The following SPTBN5 variants were observed in gnomAD, a reference collection of about 807,000 sequenced individuals.
The protein encoded by SPTBN5 is spectrin beta, non-erythrocytic 5, also known as spectrin beta chain, non-erythrocytic 5.
In SPTBN5, 513 loss-of-function variants were observed where a neutral mutation model predicts 477.6. The ratio of observed to expected loss-of-function variants is 1.07; its 90% CI spans 1.00 to 1.16. The LOEUF (loss-of-function observed/expected upper bound fraction) is 1.16. SPTBN5 is among the 50% of genes most tolerant of loss of function. The pLI, the probability that SPTBN5 is intolerant of heterozygous loss-of-function variation, is 0.00. For synonymous variants in SPTBN5, 2,169 were observed against 2,011.7 expected (o/e 1.08, Z -2.09); for missense variants, 5,062 against 4,731.8 (o/e 1.07, Z -2.05).
At chr15:41,872,521 T>C in intron 26 of SPTBN5, 62 bp from the exon 27 acceptor site, 1 of 1,493,510 alleles carries the variant, frequency 6.7e-7, no homozygotes, top group Non-Finnish European at 9.0e-7. Context: ...CACCTGTCCG[T>C]CCCCCACCCA....
chr15:41,882,196 G>A, intron 11 of SPTBN5, 51 bp from the exon 12 acceptor site: 1 of 1,483,056 alleles, frequency 6.7e-7, no homozygotes, highest in Non-Finnish European at 8.9e-7. Flanking sequence ...GGCTGAGCGC[G>A]GGCAGGTGCT....
intron 39 of SPTBN5, among the ~76,000 whole-genome samples, chr15:41,864,872 T>C (rs2066243657): frequency 6.6e-6 from 1 of 152,242 alleles, no homozygotes; most frequent in South Asian, 2.1e-4. Flanking sequence ...CACTTTCCTA[T>C]GAAGTGCCTC....
In SPTBN5 at chr15:41,862,618, C is replaced by T. The variant is rs376902313; in HGVS notation, c.7306G>A (p.Glu2436Lys). The change falls in exon 43 of 68, where the codon GAG becomes AAG. Residue 2436 changes from glutamate to lysine, a missense_variant. Coordinates refer to ENST00000320955, the MANE Select transcript of SPTBN5 (RefSeq NM_016642.4). ...CTGTGCCTGAGGCCGTGGGCTGCCT[C>T]GGGGCTTCTTTGGCAGAGGCGGCCC... ...EVGRLCQRSP[E>K]AAHGLRHRQQ... 22 of 1,557,940 alleles carry T rather than the reference C, an allele frequency of 1.4e-5. No individual in the cohort carries two copies. Among genetic ancestry groups the T allele is most frequent in the South Asian group, 5.9e-5 (5 of 84,866 alleles).
chr15:41,856,282 G>T, intron 53 of SPTBN5, 104 bp downstream of exon 53: 1 of 1,036,086 alleles, frequency 9.7e-7, no homozygotes, highest in Non-Finnish European at 1.4e-6. Context: ...ACTGAGTGGA[G>T]GAGACGAAAG....
Position 41,853,243 on chromosome 15 carries a change from C to T in SPTBN5, c.10170+15G>A, listed in dbSNP as rs781663013. On this transcript the variant is annotated intron_variant, in intron 59 of 67. Coordinates refer to ENST00000320955, the MANE Select transcript of SPTBN5 (RefSeq NM_016642.4). ...ATCCCCAGCCCAACCCCAGGCCCACCCTCTGAGTTCACACCTCCGCAGACA... is the reference window on the plus strand; with the variant it reads ...ATCCCCAGCCCAACCCCAGGCCCACTCTCTGAGTTCACACCTCCGCAGACA... 1.8e-5 allele frequency: 29 copies of T among 1,573,714 alleles called. No individual in the cohort carries two copies. The highest frequency in any genetic ancestry group is 2.4e-5 in the Non-Finnish European group (28 of 1,152,344).
rs2065621161 is a variant in SPTBN5 at position 41,848,271 on chromosome 15, T to C, written c.*345A>G. 1 of 501,762 alleles carries C rather than the reference T, an allele frequency of 2.0e-6. No homozygotes were observed. The highest frequency in any genetic ancestry group is 2.2e-5 in the South Asian group (1 of 45,320). 31.1% of individuals were successfully genotyped at this position (501,762 alleles called of 1,614,324 possible). ...TGTTCTTCCTCCGAAGAGCACATTC[T>C]CTGCACACGTCTGCGTCTACCTGTG... On this transcript the variant is annotated 3_prime_UTR_variant, in exon 68 of 68. Transcript: ENST00000320955.
Position 41,870,580 on chromosome 15 carries a change from G to C in SPTBN5, c.5448-20C>G, listed in dbSNP as rs768522710. The C allele has an allele frequency of 6.9e-6, 11 of 1,592,202 alleles. No individual in the cohort carries two copies. Among genetic ancestry groups the C allele is most frequent in the Non-Finnish European group, 8.5e-6 (10 of 1,171,180 alleles). On this transcript the variant is annotated intron_variant, in intron 29 of 67. Transcript: ENST00000320955. ...GCGGTCCTGCCCACGGCGTGTGGAA[G>C]ACCAGCCGGGGATCAGCTGCCGGGC...
chr15:41,876,888 T>C lies in SPTBN5; in HGVS notation c.3772A>G (p.Ser1258Gly). 1 of 1,610,518 alleles carries C rather than the reference T, an allele frequency of 6.2e-7. No individual in the cohort carries two copies. Among genetic ancestry groups the C allele is most frequent in the East Asian group, 2.2e-5 (1 of 44,882 alleles). The part of the protein sequence containing the change: ...QQHREFGRLL[S>G]TLGPRAEALR... ...GCCTCTGCCCGAGGCCCCAGGGTGC[T>C]CAGGAGCCGCCCAAACTCCCGGTGC... The change falls in exon 19 of 68, where the codon AGC (serine) becomes GGC (glycine). Residue 1258 changes from serine to glycine, a missense_variant. Ser to Gly is a moderately conservative substitution (Grantham distance 56). Transcript: ENST00000320955.
At chr15:41,849,797 TCA>T (rs1330331150) in intron 67 of SPTBN5, 70 bp downstream of exon 67, 4 of 1,233,800 alleles carry the variant, frequency 3.2e-6, no homozygotes, top group Non-Finnish European at 4.6e-6. Context: ...ACCTCAGGCT[TCA>T]GAGGACAGCG....
At chr15:41,870,405 C>G in intron 30 of SPTBN5, 41 bp downstream of exon 30, 1 of 1,609,772 alleles carries the variant, frequency 6.2e-7, no homozygotes, top group South Asian at 1.1e-5. Flanking sequence ...GGGCACTGAG[C>G]CTGGAGTGTA....
intron 4 of SPTBN5, among the ~76,000 whole-genome samples, chr15:41,889,641 A>T (rs923600462): frequency 1.3e-5 from 2 of 152,110 alleles, no homozygotes; most frequent in African/African-American, 4.8e-5. Context: ...GGGACCATGA[A>T]AGAAATGCTG....
Position 41,850,874 on chromosome 15 carries a change from C to G in SPTBN5, c.10901G>C (p.Arg3634Pro), listed in dbSNP as rs779610161. The change falls in exon 66 of 68, where the codon CGA becomes CCA. Residue 3634 changes from arginine (R) to proline (P), a missense_variant. Physicochemically the swap from Arg to Pro is moderately radical, Grantham distance 103. Transcript: ENST00000320955. The part of the protein sequence containing the change: ...PSEEQAESWW[R>P]ALGSTAAQSL... Reference sequence around the variant, plus strand: ...CCCACCTGCAGTGCTGCCCAGGGCTCGCCACCAGCTCTCAGCCTGCTCTTC... The same window carrying G: ...CCCACCTGCAGTGCTGCCCAGGGCTGGCCACCAGCTCTCAGCCTGCTCTTC... 1 of 1,601,146 alleles carries G rather than the reference C, an allele frequency of 6.2e-7. No homozygotes were observed. Among genetic ancestry groups the G allele is most frequent in the African/African-American group, 1.3e-5 (1 of 74,726 alleles).
chr15:41,876,582 C>G lies in SPTBN5; in HGVS notation c.3917G>C (p.Arg1306Thr). Residue 1306 changes from arginine to threonine, a missense_variant, in exon 20 of 68, where the codon AGG becomes ACG. Physicochemically the swap from Arg to Thr is moderately conservative, Grantham distance 71. Transcript: ENST00000320955. ...WTRLQGRSEQ[R>T]RRQLLASLQL... ...GAGGGAAGCCAGCAACTGCCTCCTC[C>G]TCTGCTCACTCCTCCCCTGGAGCCT... The G allele has an allele frequency of 1.2e-6, 2 of 1,607,326 alleles. No homozygotes were observed. The highest frequency in any genetic ancestry group is 1.7e-6 in the Non-Finnish European group (2 of 1,177,398).
Position 41,853,725 on chromosome 15 carries a change from G to T in SPTBN5, c.9837C>A (p.Gly3279=), listed in dbSNP as rs1214103055. ...CCCCCGGAGCTGCAGGATGTAGCTG[G>T]CCCAGTCGGCAGGCCTCCGTCTGTA... ...ARLQTEACRL[G]QLHPAAPGGL... Residue 3279 remains glycine, a synonymous_variant, in exon 58 of 68, where the codon GGC becomes GGA. Transcript: ENST00000320955. 2.5e-6 allele frequency: 4 copies of T among 1,590,828 alleles called. No homozygotes were observed. Among genetic ancestry groups the T allele is most frequent in the Admixed American group, 1.8e-5 (1 of 57,110 alleles).
chr15:41,852,104 AC>A (rs1367942908), intron 62 of SPTBN5, 77 bp downstream of exon 62: 2 of 1,483,968 alleles, frequency 1.3e-6, no homozygotes, highest in Non-Finnish European at 1.8e-6. Context: ...GTGGGCCCTC[AC>A]CCCCACAGCC....
At position 41,881,027 on chromosome 15, in the gene SPTBN5, G is replaced by A; in HGVS notation, c.2658+7C>T. 1.9e-6 allele frequency: 3 copies of A among 1,559,392 alleles called. No homozygotes were observed. Among genetic ancestry groups the A allele is most frequent in the Non-Finnish European group, 2.6e-6 (3 of 1,150,736 alleles). ...GACTCGAGCATTTCTTGAAAAAGAA[G>A]TGTTACCTGTGCCAGGGCCCGCAGA... is the stretch of plus-strand genomic sequence containing the variant. On this transcript the variant is annotated splice_region_variant and intron_variant, in intron 13 of 67. Transcript: ENST00000320955.
rs1595434086 is a variant in SPTBN5, at chr15:41,849,978, A to C, written c.10922-19T>G. The C allele has an allele frequency of 1.9e-6, 3 of 1,566,710 alleles. No homozygotes were observed. The East Asian group carries it at 7.1e-5, about 37-fold the overall frequency. On this transcript the variant is annotated intron_variant, in intron 66 of 67. Coordinates refer to ENST00000320955, the MANE Select transcript of SPTBN5 (RefSeq NM_016642.4). ...CTCTGGGCTGCAGAGCAAGGGAATA[A>C]CCACTGTTAGCCCGGCCCAGACCAT...
chr15:41,853,986 G>A, intron 57 of SPTBN5, 64 bp downstream of exon 57: 3 of 1,501,978 alleles, frequency 2.0e-6, no homozygotes, highest in South Asian at 1.3e-5. Flanking sequence ...GCTGAGATAG[G>A]TCCCCTCAGC....
At chr15:41,866,680 T>C (rs2066328088) in intron 36 of SPTBN5, 187 bp from the exon 37 acceptor site, 1 of 781,396 alleles carries the variant, frequency 1.3e-6, no homozygotes, top group Non-Finnish European at 1.9e-6. Flanking sequence ...GGGCCTTGGG[T>C]GGGCTCTCGT....
Sources: gnomAD v4.1 joint callset for allele counts (sites outside exome capture counted in the v4.1 genomes callset) on GRCh38, gnomAD v4.1.1 for gene constraint, MANE v1.5 for transcripts, NCBI Gene and HGNC (gene_info 2026-07-23, HGNC 2026-07-21) for gene names.